LRRC34: variants seen among roughly 807,000 people sequenced by gnomAD.
The protein encoded by LRRC34 is leucine-rich repeat-containing protein 34.
LRRC34 carries 44 observed loss-of-function variants against 48.5 expected under a neutral mutation model. That is an observed-to-expected ratio of 0.91 (90% CI 0.71 to 1.17). The LOEUF is 1.17. Among genes scored for constraint, LRRC34 ranks in the 50% most tolerant of loss-of-function variants. The pLI, the probability that LRRC34 is intolerant of heterozygous loss-of-function variation, is 0.00. For synonymous variants in LRRC34, 192 were observed against 197.6 expected, an observed-to-expected ratio of 0.97 and a Z score of 0.24; for missense variants, 502 against 563.0, an observed-to-expected ratio of 0.89 and a Z score of 1.10.
At chr3:169,811,381 C>T (rs1404945533) in intron 1 of LRRC34, among the ~76,000 whole-genome samples, 1 of 152,194 alleles carries the variant, frequency 6.6e-6, no homozygotes, top group Non-Finnish European at 1.5e-5. Context: ...CAGAGATTTA[C>T]AGTATTTAAA....
At chr3:169,797,279 T>C (rs1779029123) in intron 7 of LRRC34, among the ~76,000 whole-genome samples, 1 of 152,184 alleles carries the variant, frequency 6.6e-6, no homozygotes, top group East Asian at 1.9e-4. Flanking sequence ...ATACCTTCCA[T>C]ATGTTCCTGA....
chr3:169,812,082 C>G lies in LRRC34; in HGVS notation c.139+328G>C, dbSNP rs756253246. ...TTCACAAAAAGGGGGCTGAGAAGAG[C>G]CCCCCCGCCACCCCCTCCCGGAGAC... is the stretch of plus-strand genomic sequence containing the variant. On this transcript the variant is annotated intron_variant, in intron 1 of 10. Transcript: ENST00000446859. This position sits in a 1 kb window ranked among gnomAD's most constrained non-coding sequence, Gnocchi z 4.3. Among the ~76,000 whole-genome samples the G allele has an allele frequency of 2.0e-5, 3 of 151,724 alleles. No individual in the cohort carries two copies. The highest frequency in any genetic ancestry group is 2.1e-4 in the South Asian group (1 of 4,788).
In LRRC34 at chr3:169,800,665, A is replaced by G; in HGVS notation, c.747T>C (p.Ser249=). The change falls in exon 7 of 11, where the codon AGT becomes AGC. Residue 249 remains serine, a synonymous_variant. Coordinates refer to ENST00000446859, the MANE Select transcript of LRRC34 (RefSeq NM_001172779.2). ...AINLNRPILY[S]EQEESTVHVG... ...CATCACTTTGAATACATACCTGTTC[A>G]CTGTACAGTATAGGTCGGTTTAGGT... is the stretch of plus-strand genomic sequence containing the variant. 1.3e-6 allele frequency: 2 copies of G among 1,525,930 alleles called. No homozygotes were observed. Among genetic ancestry groups the G allele is most frequent in the Middle Eastern group, 3.6e-4 (2 of 5,510 alleles). 94.5% of individuals were successfully genotyped at this position (1,525,930 alleles called of 1,614,324 possible).
intron 5 of LRRC34, among the ~76,000 whole-genome samples, chr3:169,805,053 T>C (rs1779326172): frequency 1.3e-5 from 2 of 152,172 alleles, no homozygotes; most frequent in African/African-American, 4.8e-5. Context: ...GGACATATAA[T>C]AGTGTAAATA....
At position 169,795,533 on chromosome 3, in the gene LRRC34, GA is replaced by G; in HGVS notation, c.1142del (p.Phe381SerfsTer17). The G allele has an allele frequency of 6.2e-7, 1 of 1,612,576 alleles. No homozygotes were observed. Among genetic ancestry groups the G allele is most frequent in the Non-Finnish European group, 8.5e-7 (1 of 1,179,070 alleles). ...TGTTTCCCCAAATGTAGATATGAGAGAAAGTGAGATTTGTTTTCATTGATTG... is the reference window on the plus strand; with the variant it reads ...TGTTTCCCCAAATGTAGATATGAGAGAAGTGAGATTTGTTTTCATTGATTG... ...LSQSMKTNLT[F>X]SHIYIWGNKF... On this transcript the variant is annotated frameshift_variant, in exon 10 of 11. Coordinates refer to ENST00000446859, the MANE Select transcript of LRRC34 (RefSeq NM_001172779.2). LOFTEE classifies it high-confidence loss of function.
intron 1 of LRRC34, among the ~76,000 whole-genome samples, chr3:169,809,872 T>C (rs1025802411): frequency 6.6e-6 from 1 of 152,132 alleles, no homozygotes; most frequent in African/African-American, 2.4e-5. Context: ...ACATTTCAGA[T>C]GAAAGCAAAC....
intron 2 of LRRC34, 48 bp downstream of exon 2, chr3:169,808,580 G>T: frequency 9.9e-7 from 1 of 1,005,278 alleles, no homozygotes; most frequent in Non-Finnish European, 1.5e-6. Flanking sequence ...TCACACACAT[G>T]AATATAAGCA....
Position 169,793,520 on chromosome 3 carries a change from T to G in LRRC34, c.*115A>C. On this transcript the variant is annotated 3_prime_UTR_variant, in exon 11 of 11. Transcript: ENST00000446859. Reference sequence around the variant, plus strand: ...CAAAGTTTAATACAGTCATTATCTTTTACACATTTGAAAAAAGTAACTTGT... The same window carrying G: ...CAAAGTTTAATACAGTCATTATCTTGTACACATTTGAAAAAAGTAACTTGT... 1.3e-6 allele frequency: 1 copy of G among 755,020 alleles called. No homozygotes were observed. Among genetic ancestry groups the G allele is most frequent in the South Asian group, 2.0e-5 (1 of 48,948 alleles). The allele number at this position is 755,020 out of a possible 1,614,324, so 46.8% of individuals were successfully genotyped here.
chr3:169,795,037 A>G (rs1778940634), intron 10 of LRRC34: 1 of 152,192 alleles, frequency 6.6e-6, no homozygotes, highest in African/African-American at 2.4e-5. Context: ...TTTAACATCT[A>G]CTTTTTCCCC....
In LRRC34 at chr3:169,812,406, T is replaced by C; in HGVS notation, c.139+4A>G. 6.5e-7 allele frequency: 1 copy of C among 1,527,038 alleles called. No homozygotes were observed. The highest frequency in any genetic ancestry group is 8.7e-7 in the Non-Finnish European group (1 of 1,143,852). 94.6% of individuals were successfully genotyped at this position (1,527,038 alleles called of 1,614,324 possible). ...GCCGCGCAGACGTGCTCCCTACTTC[T>C]TACCGCGCTGGACCGCCAGGGCCGC... On this transcript the variant is annotated splice_donor_region_variant and intron_variant, in intron 1 of 10. Transcript: ENST00000446859. This position sits in a 1 kb window ranked among gnomAD's most constrained non-coding sequence, Gnocchi z 4.3.
In LRRC34 at chr3:169,812,394, G is replaced by T; in HGVS notation, c.139+16C>A. 1 of 1,524,546 alleles carries T rather than the reference G, an allele frequency of 6.6e-7. No individual in the cohort carries two copies. The highest frequency in any genetic ancestry group is 8.8e-7 in the Non-Finnish European group (1 of 1,142,804). The allele number at this position is 1,524,546 out of a possible 1,614,324, so 94.4% of individuals were successfully genotyped here. ...TGTCTGGGCCAGGCCGCGCAGACGT[G>T]CTCCCTACTTCTTACCGCGCTGGAC... On this transcript the variant is annotated intron_variant, in intron 1 of 10. Coordinates refer to ENST00000446859, the MANE Select transcript of LRRC34 (RefSeq NM_001172779.2). The surrounding 1 kb of genome is among the most constrained non-coding windows in gnomAD (Gnocchi z 4.3).
intron 5 of LRRC34, among the ~76,000 whole-genome samples, chr3:169,805,957 G>A (rs1354662483): frequency 6.6e-6 from 1 of 151,266 alleles, no homozygotes; most frequent in Non-Finnish European, 1.5e-5. Context: ...AATTCATATG[G>A]AAATGCAAGG....
rs1329857815 is a variant in LRRC34 at position 169,796,001 on chromosome 3, T to G, written c.1064+213A>C. The G allele has an allele frequency of 2.4e-6, 3 of 1,239,692 alleles. No homozygotes were observed. The African/African-American group carries it at 4.7e-5, about 19-fold the overall frequency. 76.8% of individuals were successfully genotyped at this position (1,239,692 alleles called of 1,614,324 possible). A position where few individuals can be genotyped will look rare whatever the true frequency, so the allele number is the denominator to read the frequency against. On this transcript the variant is annotated intron_variant, in intron 9 of 10. Transcript: ENST00000446859. ...ATATAAGCAATGCAAATTTTCTCAT[T>G]AATTTGAAGGAATCGTTAATAGAAT...
chr3:169,808,583 T>C, intron 2 of LRRC34, 45 bp downstream of exon 2: 1 of 1,032,474 alleles, frequency 9.7e-7, no homozygotes, highest in South Asian at 1.4e-5. Flanking sequence ...CACACATGAA[T>C]ATAAGCAAAC....
intron 2 of LRRC34, among the ~76,000 whole-genome samples, chr3:169,808,243 G>C (rs1298234933): frequency 6.6e-6 from 1 of 151,434 alleles, no homozygotes; most frequent in Non-Finnish European, 1.5e-5. Flanking sequence ...GAACCCAGGA[G>C]GCTGAGTTTG....
rs1779509867 is a variant in LRRC34, at chr3:169,810,099, G to A, written c.140-1354C>T. 2.0e-5 allele frequency among the ~76,000 whole-genome samples: 3 copies of A among 151,732 alleles called. No homozygotes were observed. In the South Asian group the frequency reaches 6.3e-4, roughly 32 times the overall value. ...AGCCTCCCGAGTAGCTGGGACTACA[G>A]GCACACACCACCACACCCAGCTATA... On this transcript the variant is annotated intron_variant, in intron 1 of 10. Transcript: ENST00000446859.
At chr3:169,798,687 A>T (rs1233142789) in intron 7 of LRRC34, among the ~76,000 whole-genome samples, 1 of 152,156 alleles carries the variant, frequency 6.6e-6, no homozygotes, top group Non-Finnish European at 1.5e-5. Flanking sequence ...TTAAAAAGGG[A>T]TCATGCTTAT....
At position 169,795,852 on chromosome 3, in the gene LRRC34, G is replaced by C. The variant is rs551100481; in HGVS notation, c.1065-241C>G. ...ATATTATTCAGTAAATGTTTGGGTG[G>C]ATAGCAGATATATTTTTCTGGATAA... On this transcript the variant is annotated intron_variant, in intron 9 of 10. Coordinates refer to ENST00000446859, the MANE Select transcript of LRRC34 (RefSeq NM_001172779.2). 3.1e-5 allele frequency: 36 copies of C among 1,180,150 alleles called. No individual in the cohort carries two copies. The East Asian group carries it at 1.1e-3, about 36-fold the overall frequency. 73.1% of individuals were successfully genotyped at this position (1,180,150 alleles called of 1,614,324 possible). A position where few individuals can be genotyped will look rare whatever the true frequency, so the allele number is the denominator to read the frequency against.
Position 169,796,284 on chromosome 3 carries a change from T to G in LRRC34, c.994A>C (p.Asn332His), listed in dbSNP as rs1284238516. 6.2e-7 allele frequency: 1 copy of G among 1,612,754 alleles called. No individual in the cohort carries two copies. The highest frequency in any genetic ancestry group is 1.7e-5 in the Admixed American group (1 of 59,696). Reference sequence around the variant, plus strand: ...TTTGCGCCTGCATTTTCTATTCTGTTAAAGGAAAGATCTATTACTTCCAGG... The same window carrying G: ...TTTGCGCCTGCATTTTCTATTCTGTGAAAGGAAAGATCTATTACTTCCAGG... ...TTLEVIDLSFNRIENAGANYL... is the reference protein window; with the variant it reads ...TTLEVIDLSFHRIENAGANYL... Residue 332 changes from asparagine (N) to histidine (H), a missense_variant, in exon 9 of 11, where the codon AAC becomes CAC. Transcript: ENST00000446859.
Sources: allele counts gnomAD v4.1 joint callset (sites outside exome capture counted in the v4.1 genomes callset), GRCh38; gene constraint gnomAD v4.1.1; non-coding constraint Gnocchi (gnomAD v3.1); transcripts MANE v1.5; gene names NCBI Gene and HGNC (gene_info 2026-07-23, HGNC 2026-07-21).